LHFPL3: variants seen among roughly 807,000 people sequenced by gnomAD.
LHFPL3 encodes LHFPL tetraspan subfamily member 3 protein.
In LHFPL3, 5 loss-of-function variants were observed where a neutral mutation model predicts 19.3. The observed-to-expected ratio is 0.26, with a 90% CI of 0.14 to 0.54. The LOEUF is 0.54. Ranked by LOEUF, LHFPL3 falls within the 20% of genes least tolerant of loss-of-function variation. The pLI is 0.94. For synonymous variants in LHFPL3, 133 were observed against 126.2 expected (o/e 1.05, Z -0.36); for missense variants, 249 against 307.4 (o/e 0.81, Z 1.42).
chr7:104,822,186 G>C (rs1790688366), intron 2 of LHFPL3, among the ~76,000 whole-genome samples: 1 of 152,208 alleles, frequency 6.6e-6, no homozygotes, highest in African/African-American at 2.4e-5. Flanking sequence ...CTGTGTTCCA[G>C]AAGTGACTTT....
chr7:104,512,180 C>A (rs1270178960), intron 1 of LHFPL3, among the ~76,000 whole-genome samples: 1 of 151,922 alleles, frequency 6.6e-6, no homozygotes, highest in East Asian at 1.9e-4. Context: ...GTCTCAAAGT[C>A]CCAGCCTCAA....
At chr7:104,853,477 A>T (rs143233394) in intron 2 of LHFPL3, among the ~76,000 whole-genome samples, 181 of 152,102 alleles carry the variant, frequency 1.2e-3, no homozygotes, top group African/African-American at 4.1e-3. Context: ...AGCACACAGC[A>T]CCTTCCAGGG....
chr7:104,782,283 G>A (rs1789822411), intron 2 of LHFPL3, among the ~76,000 whole-genome samples: 6 of 152,200 alleles, frequency 3.9e-5, no homozygotes. Context: ...AGCAATTGAA[G>A]AACAAGTGCT....
At chr7:104,885,229 G>A (rs144077925) in intron 2 of LHFPL3, among the ~76,000 whole-genome samples, 1 of 152,142 alleles carries the variant, frequency 6.6e-6, no homozygotes, top group African/African-American at 2.4e-5. Context: ...CCTCTTTGGG[G>A]CTCCCAAACC....
At chr7:104,813,070 T>C (rs61575368) in intron 2 of LHFPL3, among the ~76,000 whole-genome samples, 3,181 of 151,296 alleles carry the variant, frequency 0.021, 111 homozygotes, top group African/African-American at 0.073. Context: ...GCCGAGATCA[T>C]GCCACTGCAC....
chr7:104,713,151 A>G (rs1584492857), intron 1 of LHFPL3, among the ~76,000 whole-genome samples: 1 of 152,240 alleles, frequency 6.6e-6, no homozygotes, highest in Non-Finnish European at 1.5e-5. Flanking sequence ...GATCTACAAC[A>G]TGAATTAATA....
intron 1 of LHFPL3, among the ~76,000 whole-genome samples, chr7:104,539,115 T>A (rs369179512): frequency 1.3e-5 from 2 of 152,174 alleles, no homozygotes; most frequent in East Asian, 3.9e-4. Context: ...AACACCTTGA[T>A]TTTAGCCCTG....
intron 1 of LHFPL3, among the ~76,000 whole-genome samples, chr7:104,680,048 A>G (rs1792666299): frequency 6.6e-6 from 1 of 152,084 alleles, no homozygotes; most frequent in South Asian, 2.1e-4. Context: ...CCTGCTCAAC[A>G]TCTGCACTGA....
At chr7:104,664,315 A>AT (rs935802542) in intron 1 of LHFPL3, among the ~76,000 whole-genome samples, 5 of 17,512 alleles carry the variant, frequency 2.9e-4, no homozygotes, top group Admixed American at 1.3e-3. Context: ...TTCAGCTTCT[A>AT]TAAAAAAAAT....
intron 2 of LHFPL3, among the ~76,000 whole-genome samples, chr7:104,860,670 G>A (rs1791600897): frequency 6.6e-6 from 1 of 152,162 alleles, no homozygotes; most frequent in Non-Finnish European, 1.5e-5. Flanking sequence ...GCAGCTATAT[G>A]TAACAGTTTA....
intron 1 of LHFPL3, among the ~76,000 whole-genome samples, chr7:104,555,455 G>A (rs1021777921): frequency 2.0e-5 from 3 of 152,188 alleles, no homozygotes; most frequent in African/African-American, 7.2e-5. Context: ...ATGGATGGCG[G>A]CAGGCAAAGA....
intron 1 of LHFPL3, among the ~76,000 whole-genome samples, chr7:104,562,195 C>T (rs1414996044): frequency 7.6e-4 from 115 of 151,846 alleles, no homozygotes; most frequent in African/African-American, 2.4e-3. Flanking sequence ...GTCTTTGTGG[C>T]GTTCTCTGTA....
intron 2 of LHFPL3, among the ~76,000 whole-genome samples, chr7:104,905,788 TC>T (rs1225118354): frequency 6.6e-6 from 1 of 152,236 alleles, no homozygotes; most frequent in Non-Finnish European, 1.5e-5. Context: ...TATAATAATT[TC>T]TTTTGTAGCT....
intron 1 of LHFPL3, among the ~76,000 whole-genome samples, chr7:104,390,104 A>C (rs1791035154): frequency 6.6e-6 from 1 of 151,926 alleles, no homozygotes; most frequent in African/African-American, 2.4e-5. Flanking sequence ...AATATCATAT[A>C]TCTGTTAAGG....
At chr7:104,418,731 C>A (rs1235249974) in intron 1 of LHFPL3, among the ~76,000 whole-genome samples, 4 of 152,182 alleles carry the variant, frequency 2.6e-5, no homozygotes, top group Admixed American at 2.0e-4. Context: ...GGTTTCATCT[C>A]AGCCTTCAAG....
intron 1 of LHFPL3, among the ~76,000 whole-genome samples, chr7:104,620,545 A>C (rs372888589): frequency 6.6e-6 from 1 of 152,288 alleles, no homozygotes; most frequent in East Asian, 1.9e-4. Context: ...TCATTTTCCC[A>C]GGTACTTCTT....
At chr7:104,458,435 G>A (rs1040660337) in intron 1 of LHFPL3, among the ~76,000 whole-genome samples, 3 of 152,120 alleles carry the variant, frequency 2.0e-5, no homozygotes, top group African/African-American at 7.2e-5. Flanking sequence ...TAGATATGCG[G>A]TGTTATTTCT....
At chr7:104,564,210 A>G (rs1335288875) in intron 1 of LHFPL3, among the ~76,000 whole-genome samples, 6 of 152,202 alleles carry the variant, frequency 3.9e-5, no homozygotes, top group Non-Finnish European at 5.9e-5. Flanking sequence ...TATGCCCATA[A>G]CACCATGTTA....
intron 1 of LHFPL3, among the ~76,000 whole-genome samples, chr7:104,402,015 T>C (rs1791322719): frequency 2.0e-5 from 3 of 150,574 alleles, no homozygotes; most frequent in Middle Eastern, 3.4e-3. Flanking sequence ...TGAAAAAGTA[T>C]AAAACACTGA....
Sources: gnomAD v4.1 joint callset for allele counts (sites outside exome capture counted in the v4.1 genomes callset) on GRCh38, gnomAD v4.1.1 for gene constraint, MANE v1.5 for transcripts, NCBI Gene and HGNC (gene_info 2026-07-23, HGNC 2026-07-21) for gene names.